The following DNMBP variants were observed in gnomAD, a reference collection of about 807,000 sequenced individuals.
DNMBP encodes the protein dynamin binding protein, also known as dynamin-binding protein.
DNMBP carries 87 observed loss-of-function variants against 150.0 expected under a neutral mutation model. The ratio of observed to expected loss-of-function variants is 0.58; its 90% CI spans 0.49 to 0.69. DNMBP has a LOEUF of 0.69. Ranked by LOEUF, DNMBP falls within the 30% of genes least tolerant of loss-of-function variation. DNMBP has a pLI of 0.00. For synonymous variants in DNMBP, 711 were observed against 750.4 expected (o/e 0.95, Z 0.86); for missense variants, 1,774 against 1,949.0 (o/e 0.91, Z 1.69).
chr10:99,981,394 C>G (rs1028594746), intron 1 of DNMBP, among the ~76,000 whole-genome samples: 1 of 152,226 alleles, frequency 6.6e-6, no homozygotes, highest in Non-Finnish European at 1.5e-5. Context: ...GTTGGCCAGG[C>G]TTGTCTCAAA....
chr10:99,955,189 T>C, intron 4 of DNMBP, 25 bp downstream of exon 4: 2 of 1,586,834 alleles, frequency 1.3e-6, no homozygotes, highest in Non-Finnish European at 1.7e-6. Context: ...AAGAAACAAT[T>C]ACATATTATT....
chr10:99,961,998 C>T lies in DNMBP; in HGVS notation c.269-4793G>A, dbSNP rs567088894. Among the ~76,000 whole-genome samples the T allele has an allele frequency of 6.5e-3, 970 of 149,238 alleles. 11 individuals are homozygous for T. Among genetic ancestry groups the T allele is most frequent in the African/African-American group, 0.023 (924 of 40,324 alleles). ...AAGGAGGTTTTTATTGTTATGAAGC[C>T]GCATCATTATTAACCCCAAAGCCTT... On this transcript the variant is annotated intron_variant, in intron 3 of 16. Coordinates refer to ENST00000324109, the MANE Select transcript of DNMBP (RefSeq NM_015221.4).
At chr10:99,922,508 T>TG (rs1383212633) in intron 4 of DNMBP, among the ~76,000 whole-genome samples, 1 of 98,746 alleles carries the variant, frequency 1.0e-5, no homozygotes, top group African/African-American at 4.2e-5. Flanking sequence ...TGCTGTTTTT[T>TG]TTTTTTTTTT....
chr10:99,944,409 G>A lies in DNMBP; in HGVS notation c.2260+10805C>T, dbSNP rs1011532398. On this transcript the variant is annotated intron_variant, in intron 4 of 16. Transcript: ENST00000324109. ...GGGTAGCACTAGGTAGTCCTGATCAGAGCTTCTAAAAATAATATGTACTGG... is the reference window on the plus strand; with the variant it reads ...GGGTAGCACTAGGTAGTCCTGATCAAAGCTTCTAAAAATAATATGTACTGG... Among the ~76,000 whole-genome samples, 10 of 152,274 alleles carry A rather than the reference G, an allele frequency of 6.6e-5. 2 individuals are homozygous for A. The highest frequency in any genetic ancestry group is 6.5e-4 in the Admixed American group (10 of 15,296).
intron 1 of DNMBP, among the ~76,000 whole-genome samples, chr10:100,008,116 C>G (rs2133398203): frequency 6.6e-6 from 1 of 152,300 alleles, no homozygotes; most frequent in South Asian, 2.1e-4. Flanking sequence ...GTGGCTCACG[C>G]CTGTAATCCC....
chr10:99,914,293 A>G (rs923794141), intron 4 of DNMBP, among the ~76,000 whole-genome samples: 1 of 152,110 alleles, frequency 6.6e-6, no homozygotes, highest in African/African-American at 2.4e-5. Context: ...GTTTGAATCT[A>G]AGATTATTAT....
chr10:100,009,424 T>G (rs1160977466), intron 1 of DNMBP, among the ~76,000 whole-genome samples: 2 of 152,270 alleles, frequency 1.3e-5, no homozygotes, highest in Admixed American at 1.3e-4. Flanking sequence ...CACGGCCTCC[T>G]ATGCCGTAAG....
intron 4 of DNMBP, chr10:99,929,661 G>A (rs1169522035): frequency 1.4e-6 from 1 of 702,352 alleles, no homozygotes; most frequent in African/African-American, 1.7e-5. Flanking sequence ...GGTGCTGGGT[G>A]CTGTGCGGCG....
At chr10:99,941,098 T>A (rs1464954723) in intron 4 of DNMBP, among the ~76,000 whole-genome samples, 2 of 152,158 alleles carry the variant, frequency 1.3e-5, no homozygotes, top group African/African-American at 4.8e-5. Context: ...TTGGTCCGGA[T>A]GGTCGCAAAC....
intron 14 of DNMBP, among the ~76,000 whole-genome samples, chr10:99,885,116 G>A (rs186408661): frequency 1.3e-5 from 2 of 152,232 alleles, no homozygotes; most frequent in East Asian, 3.9e-4. Flanking sequence ...TTACTTTTAT[G>A]AATACATCAT....
rs1013331798 is a variant in DNMBP at position 99,930,381 on chromosome 10, G to A, written c.2261-21235C>T. 1.3e-4 allele frequency: 88 copies of A among 702,826 alleles called. No homozygotes were observed. The Admixed American group carries it at 1.6e-3, about 13-fold the overall frequency. The allele number at this position is 702,826 out of a possible 1,614,324, so 43.5% of individuals were successfully genotyped here. The stretch of plus-strand genomic sequence containing the variant: ...TGCCTCCCCGTATCCACCAGCTTTC[G>A]AGGTCACATCTGGGCTTCTCGTAGG... On this transcript the variant is annotated intron_variant, in intron 4 of 16. Transcript: ENST00000324109.
At chr10:99,930,831 G>T (rs149340672) in intron 4 of DNMBP, 52 of 605,176 alleles carry the variant, frequency 8.6e-5, no homozygotes, top group African/African-American at 8.3e-4. Context: ...CTGTGGACAG[G>T]TGCAGTCTAG....
Position 99,877,305 on chromosome 10 carries a change from C to T in DNMBP, c.4580G>A (p.Arg1527Gln), listed in dbSNP as rs1450724397. 2.5e-6 allele frequency: 4 copies of T among 1,613,252 alleles called. No homozygotes were observed. The highest frequency in any genetic ancestry group is 3.4e-6 in the Non-Finnish European group (4 of 1,179,736). The change falls in exon 17 of 17, where the codon CGA becomes CAA. Residue 1527 changes from arginine (R) to glutamine (Q), a missense_variant. Arg to Gln is a conservative substitution (Grantham distance 43). Around this residue, in one of 2 missense-constraint regions of DNMBP, gnomAD observed 1,430 missense variants for 1,492.5 expected, o/e 0.96. Transcript: ENST00000324109. The stretch of plus-strand genomic sequence containing the variant: ...TGACACGCTCAGCTCATTTGGGTTT[C>T]GTGCCTTGAAGGTGTAGACAGCAAA... Reference protein sequence around the residue: ...VYFAVYTFKARNPNELSVSAN... With the variant: ...VYFAVYTFKAQNPNELSVSAN...
intron 12 of DNMBP, among the ~76,000 whole-genome samples, chr10:99,887,404 G>C (rs2039486290): frequency 6.6e-6 from 1 of 152,032 alleles, no homozygotes; most frequent in Non-Finnish European, 1.5e-5. Flanking sequence ...GTGCATGCCT[G>C]TAGTCCCAGC....
intron 4 of DNMBP, among the ~76,000 whole-genome samples, chr10:99,915,192 TAC>T (rs59291264): frequency 4.5e-5 from 6 of 132,080 alleles, no homozygotes; most frequent in African/African-American, 1.7e-4. Context: ...TACACACATA[TAC>T]ACACATATAC....
rs779519446 is a variant in DNMBP at position 99,955,600 on chromosome 10, A to G, written c.1874T>C (p.Leu625Ser). Reference sequence around the variant, plus strand: ...AGGTTTTAGGTTCTGGTCAACCAGCAAATGGGGAGAAGTGGATACCGGAGT... The same window carrying G: ...AGGTTTTAGGTTCTGGTCAACCAGCGAATGGGGAGAAGTGGATACCGGAGT... ...PCTPVSTSPH[L>S]LVDQNLKPAP... Residue 625 changes from leucine (L) to serine (S), a missense_variant, in exon 4 of 17, where the codon TTG becomes TCG. Leu to Ser is a moderately radical substitution (Grantham distance 145). This residue lies in a region of DNMBP where 1,430 missense variants were observed against 1,492.5 expected (regional missense o/e 0.96). Coordinates refer to ENST00000324109, the MANE Select transcript of DNMBP (RefSeq NM_015221.4). 2.5e-6 allele frequency: 4 copies of G among 1,613,736 alleles called. No individual in the cohort carries two copies. The South Asian group carries it at 4.4e-5, about 18-fold the overall frequency.
chr10:99,902,500 G>A (rs1457919460), intron 6 of DNMBP, among the ~76,000 whole-genome samples: 2 of 149,790 alleles, frequency 1.3e-5, no homozygotes, highest in Non-Finnish European at 3.0e-5. Flanking sequence ...AGTAGAGACA[G>A]GGTTACACCA....
At chr10:99,954,647 G>A (rs536781496) in intron 4 of DNMBP, among the ~76,000 whole-genome samples, 1 of 151,756 alleles carries the variant, frequency 6.6e-6, no homozygotes, top group Admixed American at 6.6e-5. Flanking sequence ...AGGAGGCTGA[G>A]GCAGGAGAAT....
chr10:99,937,170 T>C (rs575946471), intron 4 of DNMBP, among the ~76,000 whole-genome samples: 1 of 152,260 alleles, frequency 6.6e-6, no homozygotes, highest in East Asian at 1.9e-4. Context: ...TCCGCCCACC[T>C]TGGCCTCCCA....
Sources: allele counts gnomAD v4.1 joint callset (sites outside exome capture counted in the v4.1 genomes callset), GRCh38; gene constraint gnomAD v4.1.1; regional missense constraint gnomAD v4.1.1; transcripts MANE v1.5; gene names NCBI Gene and HGNC (gene_info 2026-07-23, HGNC 2026-07-21).